The following AJAP1 variants were observed in gnomAD, a reference collection of about 807,000 sequenced individuals.
AJAP1 encodes adherens junctions associated protein 1.
AJAP1 carries 5 observed loss-of-function variants against 35.0 expected under a neutral mutation model. The observed-to-expected ratio is 0.14, with a 90% confidence interval of 0.07 to 0.30. AJAP1 has a LOEUF of 0.30. Among genes scored for constraint, AJAP1 ranks in the 10% least tolerant of loss-of-function variants. AJAP1 has a pLI of 1.00. For synonymous variants in AJAP1, 284 were observed against 249.3 expected, an observed-to-expected ratio of 1.14 and a Z score of -1.31; for missense variants, 586 against 571.0, an observed-to-expected ratio of 1.03 and a Z score of -0.27.
intron 3 of AJAP1, among the ~76,000 whole-genome samples, 197 bp from the exon 4 acceptor site, chr1:4,772,083 A>T (rs1570224412): frequency 1.3e-5 from 2 of 149,368 alleles, no homozygotes; most frequent in African/African-American, 2.5e-5. Context: ...TTCAAATTTC[A>T]TTTTTTTTTT....
chr1:4,773,451 G>A (rs745798796), intron 4 of AJAP1, among the ~76,000 whole-genome samples: 28 of 152,226 alleles, frequency 1.8e-4, no homozygotes, highest in Non-Finnish European at 3.4e-4. Context: ...CTGTTGGCTA[G>A]AATGAGCAGA....
At chr1:4,673,652 G>A (rs112943673) in intron 1 of AJAP1, among the ~76,000 whole-genome samples, 63 of 152,338 alleles carry the variant, frequency 4.1e-4, no homozygotes, top group African/African-American at 1.5e-3. Flanking sequence ...TGTGTGCCGG[G>A]GCTGTGGACA....
At chr1:4,688,281 G>A (rs981652009) in intron 1 of AJAP1, among the ~76,000 whole-genome samples, 4 of 152,176 alleles carry the variant, frequency 2.6e-5, no homozygotes, top group Non-Finnish European at 5.9e-5. Context: ...TGACCACACG[G>A]GGCTGGTGTC....
chr1:4,656,285 G>A lies in AJAP1; in HGVS notation c.29+831G>A, dbSNP rs970113954. On this transcript the variant is annotated intron_variant, in intron 1 of 5. Coordinates refer to ENST00000378191, the MANE Select transcript of AJAP1 (RefSeq NM_018836.4). This position sits in a 1 kb window ranked among gnomAD's most constrained non-coding sequence, Gnocchi z 5.7. ...CTCGGGCTTCTCTGGCTTCTGCCTG[G>A]GGTGGCCCAGGGCCCACCAGAGCAC... is the stretch of plus-strand genomic sequence containing the variant. Among the ~76,000 whole-genome samples, 5 of 152,144 alleles carry A rather than the reference G, an allele frequency of 3.3e-5. No homozygotes were observed. The highest frequency in any genetic ancestry group is 5.9e-5 in the Non-Finnish European group (4 of 68,008).
intron 2 of AJAP1, among the ~76,000 whole-genome samples, chr1:4,750,806 G>T (rs558806083): frequency 1.0e-4 from 15 of 150,642 alleles, no homozygotes; most frequent in African/African-American, 3.4e-4. Flanking sequence ...GACCTTCTGA[G>T]AAGAAGGAGG....
chr1:4,712,100 C>G lies in AJAP1; in HGVS notation c.230C>G (p.Pro77Arg). The change falls in exon 2 of 6, where the codon CCG (proline) becomes CGG (arginine). Residue 77 changes from proline to arginine, a missense_variant. Physicochemically the swap from Pro to Arg is moderately radical, Grantham distance 103. Coordinates refer to ENST00000378191, the MANE Select transcript of AJAP1 (RefSeq NM_018836.4). ...GGACAGCCAGCGCGGGTCCCGGCCC[C>G]GGTGTGGAGCCCCCGGCCGCCCCGA... ...RSGQPARVPAPVWSPRPPRVE... is the reference protein window; with the variant it reads ...RSGQPARVPARVWSPRPPRVE... 2.6e-6 allele frequency: 4 copies of G among 1,549,472 alleles called. No individual in the cohort carries two copies. The highest frequency in any genetic ancestry group is 3.5e-6 in the Non-Finnish European group (4 of 1,155,558).
intron 2 of AJAP1, among the ~76,000 whole-genome samples, chr1:4,733,957 G>A (rs1423152747): frequency 6.6e-6 from 1 of 152,190 alleles, no homozygotes. Context: ...GGGGGCGGGG[G>A]GAGCTGAATG....
At chr1:4,746,950 G>C (rs149221000) in intron 2 of AJAP1, among the ~76,000 whole-genome samples, 5 of 152,198 alleles carry the variant, frequency 3.3e-5, no homozygotes, top group Non-Finnish European at 7.3e-5. Flanking sequence ...GGAGCGCCAA[G>C]GTAAAAGCAC....
At chr1:4,710,948 C>T (rs930133544) in intron 1 of AJAP1, among the ~76,000 whole-genome samples, 1 of 152,194 alleles carries the variant, frequency 6.6e-6, no homozygotes, top group Non-Finnish European at 1.5e-5. Context: ...TGACTTCTCC[C>T]CTGCAGCCCC....
rs747341011 is a variant in AJAP1, at chr1:4,712,558, A to T, written c.688A>T (p.Thr230Ser). ...CACCACCACCACGGCCACCCCCATG[A>T]CGCTGCAGACTAAGGGGTTCACCGA... ...TTTTTTATPM[T>S]LQTKGFTESL... The change falls in exon 2 of 6, where the codon ACG becomes TCG. Residue 230 changes from threonine to serine, a missense_variant. By Grantham distance (58) the Thr-to-Ser change is moderately conservative. Transcript: ENST00000378191. The T allele has an allele frequency of 6.8e-6, 11 of 1,612,386 alleles. No homozygotes were observed.
At position 4,774,569 on chromosome 1, in the gene AJAP1, C is replaced by G; in HGVS notation, c.*59+11C>G. ...TGTGTCTGTTTCACGGTAGGTACCTCTCTTTGGACATTCCTGTTTTCGTTC... is the reference window on the plus strand; with the variant it reads ...TGTGTCTGTTTCACGGTAGGTACCTGTCTTTGGACATTCCTGTTTTCGTTC... On this transcript the variant is annotated intron_variant, in intron 5 of 5. Transcript: ENST00000378191. 6.8e-7 allele frequency: 1 copy of G among 1,459,998 alleles called. No individual in the cohort carries two copies. The highest frequency in any genetic ancestry group is 9.6e-7 in the Non-Finnish European group (1 of 1,043,996). The allele number at this position is 1,459,998 out of a possible 1,614,324, so 90.4% of individuals were successfully genotyped here.
At chr1:4,748,747 CA>C (rs70955802) in intron 2 of AJAP1, among the ~76,000 whole-genome samples, 23,666 of 97,950 alleles carry the variant, frequency 0.24, 2,310 homozygotes, top group Admixed American at 0.36. Context: ...GACTCTGTCT[CA>C]AAAAAAAAAA....
rs1484887123 is a variant in AJAP1, at chr1:4,712,140, C to T, written c.270C>T (p.His90=). 4 of 1,557,372 alleles carry T rather than the reference C, an allele frequency of 2.6e-6. No individual in the cohort carries two copies. The highest frequency in any genetic ancestry group is 2.4e-5 in the South Asian group (2 of 84,386). ...GGCCGCCCCGAGTGGAGCGGATCCA[C>T]GGGCAGATGCAGATGCCTCGAGCCA... ...SPRPPRVERI[H]GQMQMPRARR... Residue 90 remains histidine, a synonymous_variant, in exon 2 of 6, where the codon CAC becomes CAT. Coordinates refer to ENST00000378191, the MANE Select transcript of AJAP1 (RefSeq NM_018836.4).
At chr1:4,741,752 C>A (rs923826789) in intron 2 of AJAP1, among the ~76,000 whole-genome samples, 3 of 152,164 alleles carry the variant, frequency 2.0e-5, no homozygotes, top group Non-Finnish European at 4.4e-5. Flanking sequence ...TTCTTGGAAC[C>A]AGGGCTCATT....
intron 2 of AJAP1, among the ~76,000 whole-genome samples, chr1:4,753,573 G>C (rs1307607032): frequency 6.6e-6 from 1 of 151,990 alleles, no homozygotes; most frequent in African/African-American, 2.4e-5. Flanking sequence ...ATTAATCGCT[G>C]TTTTTGTTTT....
Position 4,740,274 on chromosome 1 carries a change from C to T in AJAP1, c.829+27575C>T, listed in dbSNP as rs370007978. Among the ~76,000 whole-genome samples, 47 of 99,306 alleles carry T rather than the reference C, an allele frequency of 4.7e-4. 1 individual carries two copies. In the South Asian group the frequency reaches 0.018, roughly 37 times the overall value. The allele number at this position is 99,306 out of a possible 152,430, so 65.1% of individuals were successfully genotyped here. On this transcript the variant is annotated intron_variant, in intron 2 of 5. Transcript: ENST00000378191. ...AATAAACCGGCCACAAAAGGACAAA[C>T]TCTGTCAGATTCTACTCATATGAGG...
At chr1:4,726,234 C>T (rs2100290837) in intron 2 of AJAP1, among the ~76,000 whole-genome samples, 1 of 152,286 alleles carries the variant, frequency 6.6e-6, no homozygotes, top group Middle Eastern at 3.4e-3. Flanking sequence ...CAGGGGCAGG[C>T]CCTGAATCTT....
intron 1 of AJAP1, among the ~76,000 whole-genome samples, chr1:4,696,812 C>T (rs1457165802): frequency 6.6e-6 from 1 of 152,030 alleles, no homozygotes. Context: ...TGCATGTGCA[C>T]ATGTGCATGT....
chr1:4,777,463 T>C (rs1641962686), intron 5 of AJAP1: 2 of 152,232 alleles, frequency 1.3e-5, no homozygotes, highest in African/African-American at 2.4e-5. Flanking sequence ...GCCTTTGTGA[T>C]AGATTCCAAC....
Sources: allele counts gnomAD v4.1 joint callset (sites outside exome capture counted in the v4.1 genomes callset), GRCh38; gene constraint gnomAD v4.1.1; non-coding constraint Gnocchi (gnomAD v3.1); transcripts MANE v1.5; gene names NCBI Gene and HGNC (gene_info 2026-07-23, HGNC 2026-07-21).